The following MALRD1 variants were observed in gnomAD, a reference collection of about 807,000 sequenced individuals.
MALRD1 encodes the protein MAM and LDL receptor class A domain containing 1.
Under a neutral mutation model 242.1 loss-of-function variants are expected in MALRD1, and 247 were observed. That is an observed-to-expected ratio of 1.02 (90% CI 0.92 to 1.13). MALRD1 has a LOEUF of 1.13. MALRD1 is among the 50% of genes most tolerant of loss of function. The pLI is 0.00. For synonymous variants in MALRD1, 995 were observed against 866.6 expected (o/e 1.15, Z -2.60); for missense variants, 2,989 against 2,533.1 (o/e 1.18, Z -3.86).
At chr10:19,234,969 C>T (rs1280445197) in intron 18 of MALRD1, among the ~76,000 whole-genome samples, 2 of 152,132 alleles carry the variant, frequency 1.3e-5, no homozygotes, top group African/African-American at 4.8e-5. Flanking sequence ...TGCAAATCTA[C>T]ATGGATGGGA....
intron 1 of MALRD1, among the ~76,000 whole-genome samples, chr10:19,064,548 A>G (rs1247722992): frequency 7.3e-5 from 11 of 151,446 alleles, no homozygotes; most frequent in Non-Finnish European, 1.5e-4. Context: ...ACCTGTGCTC[A>G]TTAGATTCAT....
At chr10:19,697,281 A>C (rs2131837395) in intron 38 of MALRD1, among the ~76,000 whole-genome samples, 1 of 152,220 alleles carries the variant, frequency 6.6e-6, no homozygotes, top group South Asian at 2.1e-4. Flanking sequence ...TTGAGTCTAA[A>C]ATCTACAGGG....
chr10:19,270,836 A>T (rs1840197221), intron 19 of MALRD1, among the ~76,000 whole-genome samples: 2 of 151,438 alleles, frequency 1.3e-5, no homozygotes, highest in Admixed American at 1.3e-4. Context: ...ACACACACAC[A>T]CACACACGCA....
At chr10:19,318,528 T>TA (rs1278853299) in intron 21 of MALRD1, among the ~76,000 whole-genome samples, 1 of 151,126 alleles carries the variant, frequency 6.6e-6, no homozygotes, top group East Asian at 1.9e-4. Flanking sequence ...TTTTTTTTTT[T>TA]ATTATTTGTG....
chr10:19,378,365 A>C (rs544865453), intron 26 of MALRD1, among the ~76,000 whole-genome samples: 2 of 152,172 alleles, frequency 1.3e-5, no homozygotes, highest in Non-Finnish European at 2.9e-5. Context: ...TATGTTGTCA[A>C]AACCCCTTCT....
Position 19,128,343 on chromosome 10 carries a change from GC to G in MALRD1, c.1067del (p.Ala356GlufsTer7). 8.1e-7 allele frequency: 1 copy of G among 1,233,222 alleles called. No homozygotes were observed. Among genetic ancestry groups the G allele is most frequent in the Non-Finnish European group, 1.0e-6 (1 of 987,662 alleles). 76.4% of individuals were successfully genotyped at this position (1,233,222 alleles called of 1,614,324 possible). A position where few individuals can be genotyped will look rare whatever the true frequency, so the allele number is the denominator to read the frequency against. On this transcript the variant is annotated frameshift_variant, in exon 8 of 40. Transcript: ENST00000454679. LOFTEE classifies it high-confidence loss of function. ...GAGCTGTCATCTTCAATTCTATTATGCAATGGAAAGCAGTGTCCTGAGAGTA... is the reference window on the plus strand; with the variant it reads ...GAGCTGTCATCTTCAATTCTATTATGAATGGAAAGCAGTGTCCTGAGAGTA... ...GKSCHLQFYYAMESSVLRVRL... is the reference protein window; with the variant it reads ...GKSCHLQFYYXMESSVLRVRL...
At chr10:19,259,886 T>C (rs1205888431) in intron 19 of MALRD1, among the ~76,000 whole-genome samples, 1 of 152,162 alleles carries the variant, frequency 6.6e-6, no homozygotes. Context: ...GTTATTTTTC[T>C]CCACATCACC....
At position 19,414,466 on chromosome 10, in the gene MALRD1, A is replaced by G. The variant is rs1833422648; in HGVS notation, c.4845+24857A>G. ...TATTGGGGTAAAACTTAGGAAACTC[A>G]GGAAGATGATCAACCTAGTTTTGGA... On this transcript the variant is annotated intron_variant, in intron 28 of 39. Transcript: ENST00000454679. Among the ~76,000 whole-genome samples, 5 of 152,352 alleles carry G rather than the reference A, an allele frequency of 3.3e-5. No homozygotes were observed. In the South Asian group the frequency reaches 1.0e-3, roughly 32 times the overall value.
At chr10:19,407,105 G>T (rs978772782) in intron 28 of MALRD1, among the ~76,000 whole-genome samples, 3 of 152,060 alleles carry the variant, frequency 2.0e-5, no homozygotes, top group Non-Finnish European at 4.4e-5. Flanking sequence ...TGGCTTCTAT[G>T]AGCATGGATC....
chr10:19,389,504 AC>A lies in MALRD1; in HGVS notation c.4741del (p.His1581ThrfsTer16). ...CAGTGGGCCTTCGGGGTGACAAAGC[AC>A]ACTTCAGGAGTACCATGTGGCGAGA... Reference protein sequence around the residue: ...TAVGLRGDKAHFRSTMWRESS... With the variant: ...TAVGLRGDKAXFRSTMWRESS... On this transcript the variant is annotated frameshift_variant, in exon 28 of 40. Coordinates refer to ENST00000454679, the MANE Select transcript of MALRD1 (RefSeq NM_001142308.3). LOFTEE classifies it high-confidence loss of function. 1 of 1,549,358 alleles carries A rather than the reference AC, an allele frequency of 6.5e-7. No homozygotes were observed. The highest frequency in any genetic ancestry group is 2.4e-5 in the East Asian group (1 of 40,914).
chr10:19,625,532 A>G (rs1839615175), intron 36 of MALRD1, among the ~76,000 whole-genome samples: 1 of 152,082 alleles, frequency 6.6e-6, no homozygotes, highest in Non-Finnish European at 1.5e-5. Context: ...AAAAGGAAAG[A>G]GATATGATTC....
intron 21 of MALRD1, among the ~76,000 whole-genome samples, chr10:19,312,436 G>GAT (rs1378580729): frequency 2.0e-5 from 3 of 149,814 alleles, no homozygotes; most frequent in Non-Finnish European, 3.0e-5. Context: ...GTGAGAGAGA[G>GAT]AGAGAGTTTG....
chr10:19,283,480 T>C (rs2131889730), intron 21 of MALRD1, among the ~76,000 whole-genome samples: 1 of 152,264 alleles, frequency 6.6e-6, no homozygotes, highest in South Asian at 2.1e-4. Flanking sequence ...TCTATGGATG[T>C]CTTGCCTCCC....
At position 19,702,040 on chromosome 10, in the gene MALRD1, A is replaced by G. The variant is rs115044825; in HGVS notation, c.6314+9486A>G. Reference sequence around the variant, plus strand: ...CTGGCTTTGTCCTTTAGATTAAATGAAAGTCAATTCATCTAGTTTTAAGGA... The same window carrying G: ...CTGGCTTTGTCCTTTAGATTAAATGGAAGTCAATTCATCTAGTTTTAAGGA... On this transcript the variant is annotated intron_variant, in intron 38 of 39. Coordinates refer to ENST00000454679, the MANE Select transcript of MALRD1 (RefSeq NM_001142308.3). Among the ~76,000 whole-genome samples the G allele has an allele frequency of 8.7e-3, 1,326 of 152,252 alleles. 19 individuals are homozygous for G. Among genetic ancestry groups the G allele is most frequent in the African/African-American group, 0.029 (1,212 of 41,560 alleles).
Position 19,387,706 on chromosome 10 carries a change from G to A in MALRD1, c.4620G>A (p.Trp1540Ter), listed in dbSNP as rs893354998. 2.6e-6 allele frequency: 4 copies of A among 1,550,252 alleles called. No homozygotes were observed. Among genetic ancestry groups the A allele is most frequent in the Non-Finnish European group, 3.5e-6 (4 of 1,146,868 alleles). The change falls in exon 27 of 40, where the codon TGG (tryptophan) becomes TGA (stop). Residue 1540 changes from tryptophan to a stop codon, truncating the protein, a stop_gained. Coordinates refer to ENST00000454679, the MANE Select transcript of MALRD1 (RefSeq NM_001142308.3). LOFTEE classifies it high-confidence loss of function. Reference protein sequence around the residue: ...WQNSQADNFDWVLGVGSHQSL... With the variant: ...WQNSQADNFD ...ACTCCCAGGCTGACAACTTTGATTG[G>A]GTTTTAGGGGTTGGCTCTCATCAAA...
At chr10:19,479,793 C>T (rs1836903848) in intron 29 of MALRD1, among the ~76,000 whole-genome samples, 1 of 152,282 alleles carries the variant, frequency 6.6e-6, no homozygotes, top group African/African-American at 2.4e-5. Flanking sequence ...CTCAGGGACC[C>T]AGGCCTTCAA....
intron 24 of MALRD1, among the ~76,000 whole-genome samples, chr10:19,343,276 A>G (rs1843964204): frequency 6.6e-6 from 1 of 152,150 alleles, no homozygotes; most frequent in South Asian, 2.1e-4. Context: ...TAGAAACTTC[A>G]AAGAGAGTGC....
At chr10:19,315,215 T>G (rs1290386817) in intron 21 of MALRD1, among the ~76,000 whole-genome samples, 18 of 114,952 alleles carry the variant, frequency 1.6e-4, no homozygotes, top group East Asian at 7.5e-4. Flanking sequence ...ATAATTTATA[T>G]AAATATATAA....
chr10:19,408,524 G>A (rs992646402), intron 28 of MALRD1, among the ~76,000 whole-genome samples: 2 of 151,958 alleles, frequency 1.3e-5, no homozygotes, highest in African/African-American at 2.4e-5. Flanking sequence ...TTAAATAATC[G>A]GTGATATATT....
Sources: gnomAD v4.1 joint callset for allele counts (sites outside exome capture counted in the v4.1 genomes callset) on GRCh38, gnomAD v4.1.1 for gene constraint, MANE v1.5 for transcripts, NCBI Gene and HGNC (gene_info 2026-07-23, HGNC 2026-07-21) for gene names.